Variants in ANGPTL2 observed in about 807,000 individuals in gnomAD.
ANGPTL2 encodes the protein angiopoietin-related protein 2.
In ANGPTL2, 25 loss-of-function variants were observed where a neutral mutation model predicts 52.8. The observed-to-expected ratio is 0.47, with a 90% confidence interval of 0.35 to 0.66. The LOEUF (loss-of-function observed/expected upper bound fraction) is 0.66. Ranked by LOEUF, ANGPTL2 falls within the 30% of genes least tolerant of loss-of-function variation. The pLI, the probability that ANGPTL2 is intolerant of heterozygous loss-of-function variation, is 0.01. For synonymous variants in ANGPTL2, 276 were observed against 277.4 expected, an observed-to-expected ratio of 1.00 and a Z score of 0.05; for missense variants, 546 against 656.9, an observed-to-expected ratio of 0.83 and a Z score of 1.84.
intron 2 of ANGPTL2, 105 bp downstream of exon 2, chr9:127,107,810 C>A: frequency 8.2e-7 from 1 of 1,223,410 alleles, no homozygotes; most frequent in Non-Finnish European, 1.1e-6. Flanking sequence ...TGTCTTTGGC[C>A]TGGCTTCAAC....
chr9:127,106,322 T>G (rs2054210780), intron 2 of ANGPTL2, among the ~76,000 whole-genome samples: 1 of 152,188 alleles, frequency 6.6e-6, no homozygotes, highest in African/African-American at 2.4e-5. Context: ...CTTTCAGAGC[T>G]TCTGATTTAA....
intron 2 of ANGPTL2, among the ~76,000 whole-genome samples, chr9:127,104,000 A>G (rs1373902823): frequency 1.3e-5 from 2 of 152,160 alleles, no homozygotes; most frequent in East Asian, 3.8e-4. Flanking sequence ...GAACCTCAAT[A>G]TCCTGCAAGG....
chr9:127,106,550 G>C (rs1589507983), intron 2 of ANGPTL2, among the ~76,000 whole-genome samples: 1 of 152,188 alleles, frequency 6.6e-6, no homozygotes, highest in African/African-American at 2.4e-5. Context: ...CCGAGCCTCA[G>C]GGGGACAAAG....
intron 2 of ANGPTL2, 126 bp downstream of exon 2, chr9:127,107,789 G>T: frequency 1.0e-6 from 1 of 959,730 alleles, no homozygotes; most frequent in Non-Finnish European, 1.5e-6. Flanking sequence ...GGATTGCTGG[G>T]GGATTGTGCA....
intron 2 of ANGPTL2, among the ~76,000 whole-genome samples, chr9:127,098,601 G>A (rs1026333787): frequency 1.3e-5 from 2 of 152,152 alleles, no homozygotes; most frequent in African/African-American, 4.8e-5. Context: ...CAAGTACACA[G>A]GTCTCAGCCC....
At position 127,087,381 on chromosome 9, in the gene ANGPTL2, A is replaced by G. The variant is rs2051881495; in HGVS notation, c.*1558T>C. 1 of 152,650 alleles carries G rather than the reference A, an allele frequency of 6.6e-6. No homozygotes were observed. Among genetic ancestry groups the G allele is most frequent in the Non-Finnish European group, 1.5e-5 (1 of 68,034 alleles). The allele number at this position is 152,650 out of a possible 1,614,324, so 9.5% of individuals were successfully genotyped here. A position where few individuals can be genotyped will look rare whatever the true frequency, so the allele number is the denominator to read the frequency against. The stretch of plus-strand genomic sequence containing the variant: ...ATGGCTTTTATTGCAGATTCGTGTC[A>G]TTACAAGGATAATCTGGGAATATAT... On this transcript the variant is annotated 3_prime_UTR_variant, in exon 5 of 5. Transcript: ENST00000373425.
intron 2 of ANGPTL2, among the ~76,000 whole-genome samples, chr9:127,098,555 C>A (rs2053398979): frequency 6.6e-6 from 1 of 152,126 alleles, no homozygotes; most frequent in Admixed American, 6.5e-5. Flanking sequence ...GGTCAGGAGG[C>A]CTCCAGAGGA....
At position 127,114,506 on chromosome 9, in the gene ANGPTL2, G is replaced by A. The variant is rs566128383; in HGVS notation, c.-49-5726C>T. 3.3e-5 allele frequency among the ~76,000 whole-genome samples: 5 copies of A among 152,332 alleles called. No individual in the cohort carries two copies. The East Asian group carries it at 9.6e-4, about 29-fold the overall frequency. ...CTCTAGGCAGGACGACGACAGGAGT[G>A]CTCTTGCCGTCATTAGGCCTGCAGA... On this transcript the variant is annotated intron_variant, in intron 1 of 4. Coordinates refer to ENST00000373425, the MANE Select transcript of ANGPTL2 (RefSeq NM_012098.3).
chr9:127,115,660 G>A (rs1589569208), intron 1 of ANGPTL2, among the ~76,000 whole-genome samples: 1 of 152,328 alleles, frequency 6.6e-6, no homozygotes, highest in East Asian at 1.9e-4. Flanking sequence ...ATGAATAAAA[G>A]GTGCTTGTTT....
chr9:127,109,874 C>G lies in ANGPTL2; in HGVS notation c.-49-1094G>C, dbSNP rs114834138. ...CTTCCCTGAGAAAGTGCCCTTTACA[C>G]TGACCCTTGAGGAATGAGTAGGAGT... On this transcript the variant is annotated intron_variant, in intron 1 of 4. Coordinates refer to ENST00000373425, the MANE Select transcript of ANGPTL2 (RefSeq NM_012098.3). Among the ~76,000 whole-genome samples the G allele has an allele frequency of 7.8e-3, 1,195 of 152,256 alleles. 23 individuals are homozygous for G. The highest frequency in any genetic ancestry group is 0.027 in the African/African-American group (1,128 of 41,534).
chr9:127,110,634 G>A (rs2054706864), intron 1 of ANGPTL2, among the ~76,000 whole-genome samples: 2 of 152,120 alleles, frequency 1.3e-5, no homozygotes, highest in Non-Finnish European at 2.9e-5. Flanking sequence ...AAATGAACTC[G>A]TTTTTCCCCG....
chr9:127,103,945 C>G (rs1326731747), intron 2 of ANGPTL2, among the ~76,000 whole-genome samples: 1 of 152,154 alleles, frequency 6.6e-6, no homozygotes, highest in African/African-American at 2.4e-5. Flanking sequence ...CTTGGCCAAG[C>G]CACTTACTAG....
In ANGPTL2 at chr9:127,107,943, G is replaced by C. The variant is rs750704867; in HGVS notation, c.789C>G (p.Ser263Arg). 1.3e-6 allele frequency: 2 copies of C among 1,541,520 alleles called. No homozygotes were observed. The highest frequency in any genetic ancestry group is 2.5e-5 in the South Asian group (2 of 79,556). Residue 263 changes from serine (S) to arginine (R), a missense_variant, in exon 2 of 5, where the codon AGC becomes AGG. By Grantham distance (110) the Ser-to-Arg change is moderately radical. Around this residue, in one of 2 missense-constraint regions of ANGPTL2, gnomAD observed 261 missense variants for 361.0 expected, o/e 0.72. Coordinates refer to ENST00000373425, the MANE Select transcript of ANGPTL2 (RefSeq NM_012098.3). ...ACGGCTTGTCGGTGGAAGATGGGAG[G>C]CTGGTGAGAGTGGGCATAGTGGGCA... The part of the protein sequence containing the change: ...PPLPTMPTLT[S>R]LPSSTDKPSG...
At chr9:127,114,203 T>C (rs1434748094) in intron 1 of ANGPTL2, among the ~76,000 whole-genome samples, 1 of 152,210 alleles carries the variant, frequency 6.6e-6, no homozygotes, top group Non-Finnish European at 1.5e-5. Context: ...ACAACTCACA[T>C]TCATAGTCTT....
At chr9:127,114,055 A>G (rs1046744248) in intron 1 of ANGPTL2, among the ~76,000 whole-genome samples, 2 of 152,208 alleles carry the variant, frequency 1.3e-5, no homozygotes, top group Non-Finnish European at 2.9e-5. Flanking sequence ...AATAACAACA[A>G]TAAATTGTCA....
At chr9:127,099,917 G>A (rs1221454570) in intron 2 of ANGPTL2, among the ~76,000 whole-genome samples, 2 of 152,236 alleles carry the variant, frequency 1.3e-5, no homozygotes, top group African/African-American at 4.8e-5. Context: ...GGGCCAATGA[G>A]TGTTTCAGGA....
In ANGPTL2 at chr9:127,087,557, G is replaced by T. The variant is rs999671163; in HGVS notation, c.*1382C>A. 2.6e-5 allele frequency: 4 copies of T among 152,580 alleles called. No individual in the cohort carries two copies. Among genetic ancestry groups the T allele is most frequent in the Admixed American group, 1.3e-4 (2 of 15,276 alleles). 9.5% of individuals were successfully genotyped at this position (152,580 alleles called of 1,614,324 possible). ...CTGGCCCACGTGCCCACCGGGAAGG[G>T]TCTCACCTTCTTGACTCATCCCTTG... On this transcript the variant is annotated 3_prime_UTR_variant, in exon 5 of 5. Transcript: ENST00000373425.
intron 2 of ANGPTL2, among the ~76,000 whole-genome samples, chr9:127,105,070 C>A (rs1035095975): frequency 2.0e-5 from 3 of 152,186 alleles, no homozygotes; most frequent in African/African-American, 7.2e-5. Context: ...CAGCTGCTCT[C>A]TTCCTGGGCT....
chr9:127,119,627 T>G (rs891515621), intron 1 of ANGPTL2, among the ~76,000 whole-genome samples: 1 of 152,200 alleles, frequency 6.6e-6, no homozygotes, highest in Non-Finnish European at 1.5e-5. Flanking sequence ...ATAATGTATA[T>G]GCCTTATTTA....
Sources: allele counts gnomAD v4.1 joint callset (sites outside exome capture counted in the v4.1 genomes callset), GRCh38; gene constraint gnomAD v4.1.1; regional missense constraint gnomAD v4.1.1; transcripts MANE v1.5; gene names NCBI Gene and HGNC (gene_info 2026-07-23, HGNC 2026-07-21).